The following ZNF454 variants were observed in gnomAD, a reference collection of about 807,000 sequenced individuals.
ZNF454 encodes zinc finger protein 454.
Under a neutral mutation model 48.2 loss-of-function variants are expected in ZNF454, and 30 were observed. That is an observed-to-expected ratio of 0.62 (90% CI 0.47 to 0.84). The LOEUF is 0.84. Among genes scored for constraint, ZNF454 ranks in the 40% least tolerant of loss-of-function variants. The probability of loss-of-function intolerance (pLI) is 0.00; values close to 1 mark genes in which losing one functional copy is unlikely to be tolerated. For missense variants in ZNF454, 510 were observed against 623.1 expected (o/e 0.82, Z 1.93); for synonymous variants, 204 against 211.4 (o/e 0.97, Z 0.30).
chr5:178,979,733 GC>G, the ZNF454 span: 1 of 152,242 alleles, frequency 6.6e-6, no homozygotes, highest in Non-Finnish European at 1.5e-5. Flanking sequence ...TCAGCTAGAA[GC>G]CAGAGCGCAC....
the ZNF454 span, chr5:178,982,819 A>C: frequency 1.1e-6 from 1 of 922,796 alleles, no homozygotes; most frequent in Non-Finnish European, 1.8e-6. Flanking sequence ...CGGGATAAAC[A>C]AAAGCACGAA....
At chr5:178,981,131 C>G in the ZNF454 span, 9 of 165,538 alleles carry the variant, frequency 5.4e-5, no homozygotes, top group Admixed American at 4.0e-4. This position sits in a 1 kb window ranked among gnomAD's most constrained non-coding sequence, Gnocchi z 5.1. Flanking sequence ...CCCAGGGTCT[C>G]TCCCTCCGTG....
At chr5:178,950,559 C>T (rs1461179696) in intron 4 of ZNF454, among the ~76,000 whole-genome samples, 3 of 152,186 alleles carry the variant, frequency 2.0e-5, no homozygotes, top group Non-Finnish European at 4.4e-5. Context: ...GTCCACTCAC[C>T]AAACGTAAAG....
At position 178,965,122 on chromosome 5, in the gene ZNF454, G is replaced by T; in HGVS notation, c.718G>T (p.Gly240Cys). The T allele has an allele frequency of 6.2e-7, 1 of 1,614,178 alleles. No homozygotes were observed. The highest frequency in any genetic ancestry group is 8.5e-7 in the Non-Finnish European group (1 of 1,180,036). The change falls in exon 5 of 5, where the codon GGC becomes TGC. Residue 240 changes from glycine (G) to cysteine (C), a missense_variant. Gly to Cys is a radical substitution (Grantham distance 159, BLOSUM62 -3). Around this residue, in one of 3 missense-constraint regions of ZNF454, gnomAD observed 354 missense variants for 408.9 expected, o/e 0.87. Transcript: ENST00000519564. This position sits in a 1 kb window ranked among gnomAD's most constrained non-coding sequence, Gnocchi z 5.2. ...TATCCATCACCAAAGAATTCACACT[G>T]GCGAGAAACCCTATGAATGTAAGGA... ...HLIHHQRIHT[G>C]EKPYECKECG...
At chr5:178,974,765 C>T in the ZNF454 span, among the ~76,000 whole-genome samples, 1 of 152,212 alleles carries the variant, frequency 6.6e-6, no homozygotes, top group Non-Finnish European at 1.5e-5. Flanking sequence ...GATTACCTAT[C>T]AGCTAGATAT....
chr5:178,981,275 C>A, the ZNF454 span: 6 of 251,382 alleles, frequency 2.4e-5, no homozygotes, highest in African/African-American at 1.3e-4. The surrounding 1 kb of genome is among the most constrained non-coding windows in gnomAD (Gnocchi z 5.1). Flanking sequence ...CCACACTGCC[C>A]AATCCCCAGG....
chr5:178,985,668 A>C, the ZNF454 span: 3,023 of 397,168 alleles, frequency 7.6e-3, 86 homozygotes, highest in African/African-American at 0.057. Flanking sequence ...GTGCCACTGC[A>C]CTCCAGCCTG....
chr5:178,985,234 A>G, the ZNF454 span: 1 of 456,154 alleles, frequency 2.2e-6, no homozygotes. Flanking sequence ...GCCAAATTGT[A>G]GAAGAGCATT....
chr5:178,985,624 A>T, the ZNF454 span: 15 of 366,772 alleles, frequency 4.1e-5, no homozygotes, highest in East Asian at 9.4e-4. Context: ...AATGGCGTGA[A>T]CCCGGAAGGC....
chr5:178,981,536 TG>T, the ZNF454 span: 1 of 745,150 alleles, frequency 1.3e-6, no homozygotes, highest in Non-Finnish European at 2.3e-6. The surrounding 1 kb of genome is among the most constrained non-coding windows in gnomAD (Gnocchi z 5.1). Flanking sequence ...ACGCGGAGCA[TG>T]GTCTTGGCAA....
Position 178,965,406 on chromosome 5 carries a change from A to G in ZNF454, c.1002A>G (p.Gly334=), listed in dbSNP as rs761947608. The G allele has an allele frequency of 1.2e-6, 2 of 1,614,150 alleles. No individual in the cohort carries two copies. The highest frequency in any genetic ancestry group is 1.7e-6 in the Non-Finnish European group (2 of 1,180,032). The change falls in exon 5 of 5, where the codon GGA becomes GGG. Residue 334 remains glycine (G), a synonymous_variant. Transcript: ENST00000519564. This position sits in a 1 kb window ranked among gnomAD's most constrained non-coding sequence, Gnocchi z 5.2. ...GEKPYKCNEC[G]KAFNQSTSFL... ...AACCCTATAAATGCAATGAATGTGG[A>G]AAAGCCTTTAATCAGAGTACAAGTT...
intron 2 of ZNF454, among the ~76,000 whole-genome samples, chr5:178,945,697 G>T (rs569938162): frequency 6.6e-6 from 1 of 151,568 alleles, no homozygotes; most frequent in South Asian, 2.1e-4. Flanking sequence ...CTGTGTGTGG[G>T]GGGGTGTGGG....
chr5:178,954,724 C>T (rs757892886), intron 4 of ZNF454, among the ~76,000 whole-genome samples: 1 of 152,182 alleles, frequency 6.6e-6, no homozygotes, highest in Non-Finnish European at 1.5e-5. Flanking sequence ...TAATTCCTTC[C>T]CCTGCCCACA....
the ZNF454 span, chr5:178,980,806 G>A: frequency 6.6e-6 from 1 of 152,204 alleles, no homozygotes; most frequent in Non-Finnish European, 1.5e-5. The surrounding 1 kb of genome is among the most constrained non-coding windows in gnomAD (Gnocchi z 4.3). Context: ...GCTAATTTTT[G>A]TATTTTTAGT....
Position 178,941,956 on chromosome 5 carries a change from G to A in ZNF454, c.-108+512G>A, listed in dbSNP as rs950505306. Among the ~76,000 whole-genome samples the A allele has an allele frequency of 3.3e-5, 5 of 152,158 alleles. No individual in the cohort carries two copies. Among genetic ancestry groups the A allele is most frequent in the African/African-American group, 7.2e-5 (3 of 41,440 alleles). ...CTCCTTTTCCTCTTCTCCTGTCACT[G>A]CCAGATAAGGCAGCTGTTCCAAAGC... On this transcript the variant is annotated intron_variant, in intron 1 of 4. Coordinates refer to ENST00000519564, the MANE Select transcript of ZNF454 (RefSeq NM_001178089.3). The surrounding 1 kb of genome is among the most constrained non-coding windows in gnomAD (Gnocchi z 5.5).
Position 178,966,421 on chromosome 5 carries a change from A to AAGACTC in ZNF454, c.*451_*456dup. On this transcript the variant is annotated 3_prime_UTR_variant, in exon 5 of 5. Transcript: ENST00000519564. ...TGCACTCCAGCCTGGGCGACAGAGC[A>AAGACTC]AGACTCAGTCTCAAAAAAAAAAAAA... The AAGACTC allele has an allele frequency of 6.7e-6, 1 of 149,138 alleles. No individual in the cohort carries two copies. Among genetic ancestry groups the AAGACTC allele is most frequent in the Non-Finnish European group, 1.5e-5 (1 of 67,500 alleles). The allele number at this position is 149,138 out of a possible 1,614,324, so 9.2% of individuals were successfully genotyped here. A position where few individuals can be genotyped will look rare whatever the true frequency, so the allele number is the denominator to read the frequency against.
the ZNF454 span, among the ~76,000 whole-genome samples, chr5:178,972,638 G>T: frequency 6.6e-6 from 1 of 152,174 alleles, no homozygotes; most frequent in African/African-American, 2.4e-5. Context: ...GTCCCACGCA[G>T]GCAAACCACA....
chr5:178,988,292 A>G, the ZNF454 span, among the ~76,000 whole-genome samples: 1 of 152,144 alleles, frequency 6.6e-6, no homozygotes, highest in Admixed American at 6.5e-5. The surrounding 1 kb of genome is among the most constrained non-coding windows in gnomAD (Gnocchi z 6.0). Flanking sequence ...GATGCTCTGG[A>G]GTCATATTAA....
chr5:178,964,125 C>CT (rs5873644), intron 4 of ZNF454, among the ~76,000 whole-genome samples: 86 of 145,838 alleles, frequency 5.9e-4, no homozygotes, highest in East Asian at 1.8e-3. Flanking sequence ...AGGCCTGTGA[C>CT]TTTTTTTTTT....
Sources: allele counts gnomAD v4.1 joint callset (sites outside exome capture counted in the v4.1 genomes callset), GRCh38; gene constraint gnomAD v4.1.1; regional missense constraint gnomAD v4.1.1; non-coding constraint Gnocchi (gnomAD v3.1); transcripts MANE v1.5; gene names NCBI Gene and HGNC (gene_info 2026-07-23, HGNC 2026-07-21).